MYO1E: variants seen among roughly 807,000 people sequenced by gnomAD.
MYO1E encodes myosin IE.
Under a neutral mutation model 151.1 loss-of-function variants are expected in MYO1E, and 68 were observed. The ratio of observed to expected loss-of-function variants is 0.45; its 90% CI spans 0.37 to 0.55. The LOEUF is 0.55. Among genes scored for constraint, MYO1E ranks in the 20% least tolerant of loss-of-function variants. The probability of loss-of-function intolerance (pLI) is 0.00; values close to 1 mark genes in which losing one functional copy is unlikely to be tolerated. For synonymous variants in MYO1E, 601 were observed against 501.7 expected, an observed-to-expected ratio of 1.20 and a Z score of -2.64; for missense variants, 1,363 against 1,389.3, an observed-to-expected ratio of 0.98 and a Z score of 0.30.
At chr15:59,151,776 C>T (rs536197672) in intron 26 of MYO1E, among the ~76,000 whole-genome samples, 21 of 151,484 alleles carry the variant, frequency 1.4e-4, no homozygotes, top group South Asian at 2.1e-4. Context: ...AGGCTGGGTG[C>T]GGTGGCTCAC....
At position 59,225,861 on chromosome 15, in the gene MYO1E, T is replaced by C. The variant is rs182105845; in HGVS notation, c.643-1038A>G. Reference sequence around the variant, plus strand: ...CAGGGTTTCACTGTGTTAGCCAGGATGGTCTCGATCTCCTGACCTCGTGAT... The same window carrying C: ...CAGGGTTTCACTGTGTTAGCCAGGACGGTCTCGATCTCCTGACCTCGTGAT... On this transcript the variant is annotated intron_variant, in intron 7 of 27. Transcript: ENST00000288235. Among the ~76,000 whole-genome samples, 48 of 152,264 alleles carry C rather than the reference T, an allele frequency of 3.2e-4. 1 individual carries two copies. The East Asian group carries it at 8.9e-3, about 28-fold the overall frequency.
chr15:59,268,720 A>ATTTTTTTTTTTTT lies in MYO1E; in HGVS notation c.147+3573_147+3585dup, dbSNP rs398027512. On this transcript the variant is annotated intron_variant, in intron 2 of 27. Transcript: ENST00000288235. ...GTGATGGGTTCTGGGTGACTTTGGT[A>ATTTTTTTTTTTTT]TTTTTTTTTTTTTTTTTTTTTGCTT... Among the ~76,000 whole-genome samples, 86 of 44,908 alleles carry ATTTTTTTTTTTTT rather than the reference A, an allele frequency of 1.9e-3. 16 individuals carry two copies. Among genetic ancestry groups the ATTTTTTTTTTTTT allele is most frequent in the African/African-American group, 2.8e-3 (49 of 17,238 alleles). The allele number at this position is 44,908 out of a possible 152,430, so 29.5% of individuals were successfully genotyped here. A position where few individuals can be genotyped will look rare whatever the true frequency, so the allele number is the denominator to read the frequency against.
At chr15:59,283,793 T>A (rs763531321) in intron 1 of MYO1E, among the ~76,000 whole-genome samples, 2 of 152,192 alleles carry the variant, frequency 1.3e-5, no homozygotes, top group African/African-American at 4.8e-5. Flanking sequence ...TCTTTGCCCT[T>A]AAACATTGTA....
intron 10 of MYO1E, among the ~76,000 whole-genome samples, chr15:59,217,541 TGG>T (rs2079926846): frequency 7.1e-6 from 1 of 141,230 alleles, no homozygotes; most frequent in African/African-American, 2.8e-5. Context: ...TTTTTTTTTT[TGG>T]GAGATAGGAT....
At chr15:59,321,724 T>C (rs187718631) in intron 1 of MYO1E, among the ~76,000 whole-genome samples, 1 of 152,176 alleles carries the variant, frequency 6.6e-6, no homozygotes, top group Admixed American at 6.5e-5. Context: ...AAACTAGTTA[T>C]ACCCCATATC....
intron 3 of MYO1E, among the ~76,000 whole-genome samples, chr15:59,256,648 C>T (rs186983010): frequency 0.011 from 1,747 of 152,196 alleles, 21 homozygotes; most frequent in South Asian, 0.016. Context: ...TTCAGCCTTC[C>T]GGATGTGCCC....
chr15:59,271,838 C>G (rs1320177425), intron 2 of MYO1E, among the ~76,000 whole-genome samples: 1 of 152,208 alleles, frequency 6.6e-6, no homozygotes, highest in Non-Finnish European at 1.5e-5. Flanking sequence ...CCAGGACTTC[C>G]TCTAGGAAGA....
chr15:59,362,544 T>C lies in MYO1E; in HGVS notation c.3+9954A>G, dbSNP rs1196814242. On this transcript the variant is annotated intron_variant, in intron 1 of 27. Coordinates refer to ENST00000288235, the MANE Select transcript of MYO1E (RefSeq NM_004998.4). Reference sequence around the variant, plus strand: ...CTGATGTGGAGAAAGGGCACTGTCATCATTTTGCATTGATGCATATTTCTG... The same window carrying C: ...CTGATGTGGAGAAAGGGCACTGTCACCATTTTGCATTGATGCATATTTCTG... 2.6e-5 allele frequency among the ~76,000 whole-genome samples: 4 copies of C among 152,378 alleles called. No homozygotes were observed. The South Asian group carries it at 6.2e-4, about 24-fold the overall frequency.
At position 59,218,021 on chromosome 15, in the gene MYO1E, C is replaced by T. The variant is rs2079930477; in HGVS notation, c.977G>A (p.Arg326Gln). The T allele has an allele frequency of 1.1e-5, 18 of 1,614,204 alleles. No individual in the cohort carries two copies. Among genetic ancestry groups the T allele is most frequent in the Non-Finnish European group, 1.5e-5 (18 of 1,180,030 alleles). ...GCCTCCCCACTTGCTATCCATCTGC[C>T]GGCTTGTTAGCTTTTCTTTCAACCG... Reference protein sequence around the residue: ...QDRLKEKLTSRQMDSKWGGKS... With the variant: ...QDRLKEKLTSQQMDSKWGGKS... Residue 326 changes from arginine to glutamine, a missense_variant, in exon 10 of 28, where the codon CGG (arginine) becomes CAG (glutamine). Transcript: ENST00000288235.
chr15:59,287,124 T>C (rs780009993), intron 1 of MYO1E, among the ~76,000 whole-genome samples: 51 of 152,118 alleles, frequency 3.4e-4, no homozygotes, highest in Non-Finnish European at 6.2e-4. Context: ...CCTTGGACTT[T>C]AGGAGTGGGC....
intron 1 of MYO1E, among the ~76,000 whole-genome samples, chr15:59,335,114 G>A (rs1453726024): frequency 6.6e-6 from 1 of 152,124 alleles, no homozygotes; most frequent in Non-Finnish European, 1.5e-5. Context: ...AGAAAAACAA[G>A]GGCATTCTTG....
chr15:59,269,154 A>G (rs2080275045), intron 2 of MYO1E, among the ~76,000 whole-genome samples: 2 of 152,152 alleles, frequency 1.3e-5, no homozygotes. Flanking sequence ...TTGGAAAATA[A>G]CTCGGAAATA....
At chr15:59,177,947 T>G (rs1277038359) in intron 19 of MYO1E, among the ~76,000 whole-genome samples, 2 of 152,236 alleles carry the variant, frequency 1.3e-5, no homozygotes, top group Non-Finnish European at 2.9e-5. Context: ...AGACTATGCG[T>G]AACTGACTTG....
intron 1 of MYO1E, among the ~76,000 whole-genome samples, chr15:59,368,789 G>A (rs143268750): frequency 1.1e-3 from 160 of 152,070 alleles, no homozygotes; most frequent in African/African-American, 3.7e-3. Flanking sequence ...GTAGTCCTCA[G>A]CAAAAGTGTG....
chr15:59,289,480 T>C (rs2080406641), intron 1 of MYO1E, among the ~76,000 whole-genome samples: 1 of 152,242 alleles, frequency 6.6e-6, no homozygotes, highest in South Asian at 2.1e-4. Flanking sequence ...ATATTTTCTT[T>C]CCAGTGAGTT....
At chr15:59,306,004 T>C (rs1308150833) in intron 1 of MYO1E, among the ~76,000 whole-genome samples, 2 of 152,102 alleles carry the variant, frequency 1.3e-5, no homozygotes, top group African/African-American at 4.8e-5. Context: ...GAATGTTAAG[T>C]GGGAGAGAAA....
At chr15:59,259,287 G>A (rs1051648416) in intron 3 of MYO1E, among the ~76,000 whole-genome samples, 1 of 152,186 alleles carries the variant, frequency 6.6e-6, no homozygotes, top group East Asian at 1.9e-4. Context: ...TTAGAGTAGA[G>A]CGGACCTCCT....
Position 59,156,026 on chromosome 15 carries a change from C to T in MYO1E, c.2879-2235G>A, listed in dbSNP as rs188249324. Among the ~76,000 whole-genome samples the T allele has an allele frequency of 2.9e-3, 447 of 152,254 alleles. 1 individual carries two copies. The highest frequency in any genetic ancestry group is 3.5e-3 in the Non-Finnish European group (235 of 68,016). Reference sequence around the variant, plus strand: ...CTGGAATCACTGGTGCATGCCACCACGCCCAGCTAATCTTGAGACAGGGTC... The same window carrying T: ...CTGGAATCACTGGTGCATGCCACCATGCCCAGCTAATCTTGAGACAGGGTC... On this transcript the variant is annotated intron_variant, in intron 25 of 27. Transcript: ENST00000288235.
intron 7 of MYO1E, among the ~76,000 whole-genome samples, chr15:59,225,921 C>T (rs1467884441): frequency 6.6e-6 from 1 of 152,210 alleles, no homozygotes; most frequent in African/African-American, 2.4e-5. Flanking sequence ...GCTGGGATTA[C>T]AGGCGTGAGC....
Sources: gnomAD v4.1 joint callset for allele counts (sites outside exome capture counted in the v4.1 genomes callset) on GRCh38, gnomAD v4.1.1 for gene constraint, MANE v1.5 for transcripts, NCBI Gene and HGNC (gene_info 2026-07-23, HGNC 2026-07-21) for gene names.